CCNY: variants seen among roughly 807,000 people sequenced by gnomAD.
CCNY encodes the protein cyclin Y.
CCNY carries 19 observed loss-of-function variants against 42.8 expected under a neutral mutation model. That is an observed-to-expected ratio of 0.44 (90% CI 0.31 to 0.65). The LOEUF is 0.65. Ranked by LOEUF, CCNY falls within the 30% of genes least tolerant of loss-of-function variation. The pLI, the probability that CCNY is intolerant of heterozygous loss-of-function variation, is 0.07. For synonymous variants in CCNY, 165 were observed against 162.7 expected, an observed-to-expected ratio of 1.01 and a Z score of -0.11; for missense variants, 370 against 437.3, an observed-to-expected ratio of 0.85 and a Z score of 1.37.
At chr10:35,356,074 T>A (rs938402623) in intron 1 of CCNY, among the ~76,000 whole-genome samples, 4 of 152,240 alleles carry the variant, frequency 2.6e-5, no homozygotes, top group African/African-American at 9.6e-5. Context: ...TGCATGCTTG[T>A]TCACTTCCAT....
rs200117706 is a variant in CCNY, at chr10:35,553,085, G to A, written c.646G>A (p.Val216Ile). The A allele has an allele frequency of 1.0e-4, 168 of 1,614,076 alleles. 2 individuals carry two copies. In the Admixed American group the frequency reaches 2.8e-3, roughly 27 times the overall value. The change falls in exon 8 of 10, where the codon GTT (valine) becomes ATT (isoleucine). Residue 216 changes from valine to isoleucine, a missense_variant. Physicochemically the swap from Val to Ile is conservative, Grantham distance 29. Around this residue, in one of 2 missense-constraint regions of CCNY, gnomAD observed 234 missense variants for 313.1 expected, o/e 0.75. Transcript: ENST00000374704. Reference protein sequence around the residue: ...DICPANWKRIVLGAILLASKV... With the variant: ...DICPANWKRIILGAILLASKV... ...CTGTCCGGCCAACTGGAAGCGGATT[G>A]TTTTAGGGGCGATCCTGCTGGCCTC...
At chr10:35,330,794 C>T (rs1035624047) in intron 3 of CCNY, among the ~76,000 whole-genome samples, 2 of 149,810 alleles carry the variant, frequency 1.3e-5, no homozygotes, top group South Asian at 2.1e-4. Context: ...TCGCTCCTGT[C>T]GTGCAGGCTG....
At chr10:35,469,487 A>C (rs1839339533) in intron 1 of CCNY, among the ~76,000 whole-genome samples, 1 of 152,144 alleles carries the variant, frequency 6.6e-6, no homozygotes, top group African/African-American at 2.4e-5. Flanking sequence ...AGTTATAGCT[A>C]GGAAAAGAGA....
At chr10:35,482,801 T>TG (rs4007247) in intron 1 of CCNY, among the ~76,000 whole-genome samples, 319 of 141,008 alleles carry the variant, frequency 2.3e-3, no homozygotes, top group Non-Finnish European at 2.8e-3. Context: ...TGTGTGTGTG[T>TG]TATGTGTTTG....
intron 1 of CCNY, among the ~76,000 whole-genome samples, chr10:35,381,902 A>G (rs1307474839): frequency 6.6e-6 from 1 of 152,212 alleles, no homozygotes; most frequent in Non-Finnish European, 1.5e-5. Context: ...ATGAGGTGTA[A>G]TATTTTTGCT....
chr10:35,430,103 C>A (rs925462860), intron 1 of CCNY, among the ~76,000 whole-genome samples: 1 of 151,456 alleles, frequency 6.6e-6, no homozygotes, highest in Non-Finnish European at 1.5e-5. Flanking sequence ...TTTGGGAGGC[C>A]GAGGCGGGCG....
chr10:35,490,277 C>G (rs2135377144), intron 2 of CCNY, among the ~76,000 whole-genome samples: 1 of 152,350 alleles, frequency 6.6e-6, no homozygotes, highest in Admixed American at 6.5e-5. Context: ...TCCAGTCAGT[C>G]AAATCAGTCT....
chr10:35,422,432 C>T (rs1463664708), intron 1 of CCNY, among the ~76,000 whole-genome samples: 1 of 152,228 alleles, frequency 6.6e-6, no homozygotes, highest in African/African-American at 2.4e-5. Flanking sequence ...GCTCTGTAAC[C>T]TCTCTGACCT....
intron 1 of CCNY, among the ~76,000 whole-genome samples, chr10:35,403,220 G>A (rs915517278): frequency 2.0e-5 from 3 of 152,116 alleles, no homozygotes; most frequent in African/African-American, 4.8e-5. Flanking sequence ...AGATTTCCAC[G>A]ACGGAAAGGA....
intron 1 of CCNY, among the ~76,000 whole-genome samples, chr10:35,358,563 T>TA (rs372561070): frequency 1.6e-4 from 24 of 152,318 alleles, no homozygotes; most frequent in African/African-American, 5.8e-4. Flanking sequence ...TTTGTAGCAG[T>TA]AGTGAGTCGG....
intron 1 of CCNY, among the ~76,000 whole-genome samples, chr10:35,454,122 G>A (rs1331480182): frequency 6.6e-6 from 1 of 152,162 alleles, no homozygotes; most frequent in African/African-American, 2.4e-5. Context: ...GTGTGTGGGT[G>A]GGAATCTTGT....
At chr10:35,404,353 G>C (rs1837710643) in intron 1 of CCNY, among the ~76,000 whole-genome samples, 1 of 152,184 alleles carries the variant, frequency 6.6e-6, no homozygotes, top group South Asian at 2.1e-4. Flanking sequence ...TAATGAAAAG[G>C]GTTGGGATGA....
chr10:35,401,627 A>C (rs769345079), intron 1 of CCNY, among the ~76,000 whole-genome samples: 1 of 151,084 alleles, frequency 6.6e-6, no homozygotes, highest in Non-Finnish European at 1.5e-5. Flanking sequence ...GCGTGTGAAG[A>C]GACCACCAAA....
At chr10:35,429,921 G>A (rs1287503102) in intron 1 of CCNY, among the ~76,000 whole-genome samples, 3 of 152,180 alleles carry the variant, frequency 2.0e-5, no homozygotes, top group Non-Finnish European at 4.4e-5. Context: ...AGTAGTGACT[G>A]GCTCTGTTAG....
chr10:35,253,266 T>C (rs2095713185), intron 3 of CCNY, among the ~76,000 whole-genome samples: 2 of 152,152 alleles, frequency 1.3e-5, no homozygotes, highest in South Asian at 4.1e-4. Flanking sequence ...GTAATTTTTT[T>C]TGGGATAGGA....
chr10:35,483,507 T>C lies in CCNY; in HGVS notation c.229+29T>C, dbSNP rs370684170. On this transcript the variant is annotated intron_variant, in intron 2 of 9. Transcript: ENST00000374704. ...GGTCCTTAATTTATGTTTCTTTTTGTAAAAAAGGCTCATGTTGGTACTTCG... is the reference window on the plus strand; with the variant it reads ...GGTCCTTAATTTATGTTTCTTTTTGCAAAAAAGGCTCATGTTGGTACTTCG... 3.0e-3 allele frequency: 4,181 copies of C among 1,405,492 alleles called. 7 individuals carry two copies. Among genetic ancestry groups the C allele is most frequent in the Non-Finnish European group, 3.9e-3 (3,858 of 1,000,474 alleles). The allele number at this position is 1,405,492 out of a possible 1,614,324, so 87.1% of individuals were successfully genotyped here.
At chr10:35,367,347 G>A (rs1196510357) in intron 1 of CCNY, among the ~76,000 whole-genome samples, 1 of 152,154 alleles carries the variant, frequency 6.6e-6, no homozygotes, top group African/African-American at 2.4e-5. Context: ...TGGGCCTGGT[G>A]CCTATCTTCC....
chr10:35,468,284 T>C (rs116081230), intron 1 of CCNY, among the ~76,000 whole-genome samples: 4 of 152,178 alleles, frequency 2.6e-5, no homozygotes, highest in Admixed American at 6.5e-5. Context: ...CATGACCCAA[T>C]CACCTCCCAG....
intron 3 of CCNY, among the ~76,000 whole-genome samples, chr10:35,295,847 C>T (rs1835464793): frequency 6.6e-6 from 1 of 152,110 alleles, no homozygotes. Flanking sequence ...GAATAATATT[C>T]CACTGTATAT....
Sources: gnomAD v4.1 joint callset for allele counts (sites outside exome capture counted in the v4.1 genomes callset) on GRCh38, gnomAD v4.1.1 for gene constraint, gnomAD v4.1.1 regional missense constraint, MANE v1.5 for transcripts, NCBI Gene and HGNC (gene_info 2026-07-23, HGNC 2026-07-21) for gene names.